Variants in PARD3B observed in about 807,000 individuals in gnomAD.
The protein encoded by PARD3B is par-3 family cell polarity regulator beta, also known as partitioning defective 3 homolog B.
PARD3B carries 103 observed loss-of-function variants against 130.2 expected under a neutral mutation model. The ratio of observed to expected loss-of-function variants is 0.79; its 90% confidence interval spans 0.67 to 0.93. PARD3B has a LOEUF of 0.93. Ranked by LOEUF, PARD3B falls within the 40% of genes least tolerant of loss-of-function variation. The probability of loss-of-function intolerance (pLI) is 0.00; values close to 1 mark genes in which losing one functional copy is unlikely to be tolerated. For missense variants in PARD3B, 1,609 were observed against 1,499.2 expected (o/e 1.07, Z -1.21); for synonymous variants, 583 against 553.2 (o/e 1.05, Z -0.76).
In PARD3B at chr2:205,248,625, T is replaced by TTG. The variant is rs1553648379; in HGVS notation, c.2185+2804_2185+2805dup. Among the ~76,000 whole-genome samples, 157 of 139,332 alleles carry TTG rather than the reference T, an allele frequency of 1.1e-3. 2 individuals carry two copies. The highest frequency in any genetic ancestry group is 1.3e-3 in the Non-Finnish European group (83 of 65,100). 91.4% of individuals were successfully genotyped at this position (139,332 alleles called of 152,430 possible). A position where few individuals can be genotyped will look rare whatever the true frequency, so the allele number is the denominator to read the frequency against. On this transcript the variant is annotated intron_variant, in intron 16 of 22. Transcript: ENST00000406610. ...TCTTTTTTTTTTTTTTTTTTTTTTTTTGAGACGGAGTGGCTCTGTCCGCCA... is the reference window on the plus strand; with the variant it reads ...TCTTTTTTTTTTTTTTTTTTTTTTTTTGTGAGACGGAGTGGCTCTGTCCGCCA...
intron 2 of PARD3B, among the ~76,000 whole-genome samples, chr2:204,795,275 A>AT (rs2042330749): frequency 6.6e-6 from 1 of 152,134 alleles, no homozygotes; most frequent in Non-Finnish European, 1.5e-5. Flanking sequence ...ATTGATAGTG[A>AT]TTGAGTCATT....
intron 2 of PARD3B, among the ~76,000 whole-genome samples, chr2:204,904,914 A>C (rs2046993471): frequency 6.6e-6 from 1 of 152,190 alleles, no homozygotes; most frequent in Admixed American, 6.5e-5. Flanking sequence ...CAATATGTAG[A>C]ATGTAGGTGT....
chr2:204,882,920 A>G (rs1024815116), intron 2 of PARD3B, among the ~76,000 whole-genome samples: 6 of 152,152 alleles, frequency 3.9e-5, no homozygotes, highest in African/African-American at 9.7e-5. Context: ...GGATTATTCT[A>G]TTCCTACTCT....
Position 205,238,857 on chromosome 2 carries a change from T to A in PARD3B, c.2141-6921T>A, listed in dbSNP as rs868770879. The stretch of plus-strand genomic sequence containing the variant: ...TTTCAAAAAAAAAAAAAAATATATA[T>A]ATATATATATATATATATATGTATG... On this transcript the variant is annotated intron_variant, in intron 15 of 22. Transcript: ENST00000406610. 9.0e-3 allele frequency among the ~76,000 whole-genome samples: 746 copies of A among 83,150 alleles called. 42 individuals are homozygous for A. The highest frequency in any genetic ancestry group is 0.028 in the African/African-American group (576 of 20,234). The allele number at this position is 83,150 out of a possible 152,430, so 54.5% of individuals were successfully genotyped here. A position where few individuals can be genotyped will look rare whatever the true frequency, so the allele number is the denominator to read the frequency against.
intron 2 of PARD3B, among the ~76,000 whole-genome samples, chr2:204,944,211 A>T (rs1689134986): frequency 6.6e-6 from 1 of 152,250 alleles, no homozygotes; most frequent in Admixed American, 6.5e-5. Context: ...AAAAGGAGAA[A>T]GCAGGACACA....
At chr2:205,282,237 G>T (rs539388508) in intron 16 of PARD3B, among the ~76,000 whole-genome samples, 310 of 152,092 alleles carry the variant, frequency 2.0e-3, no homozygotes, top group African/African-American at 7.2e-3. Flanking sequence ...TCTTTGCAAA[G>T]AAATTTAATC....
chr2:204,874,441 C>G (rs1278751338), intron 2 of PARD3B, among the ~76,000 whole-genome samples: 1 of 152,102 alleles, frequency 6.6e-6, no homozygotes, highest in Non-Finnish European at 1.5e-5. Context: ...AAAACATTCA[C>G]CTCAAAAGAC....
At chr2:204,939,670 T>C (rs1487455403) in intron 2 of PARD3B, among the ~76,000 whole-genome samples, 1 of 152,214 alleles carries the variant, frequency 6.6e-6, no homozygotes, top group African/African-American at 2.4e-5. Flanking sequence ...TGAGGCAAAG[T>C]ATATCAAATT....
chr2:205,389,591 G>T (rs373493440), intron 18 of PARD3B, among the ~76,000 whole-genome samples: 1 of 152,106 alleles, frequency 6.6e-6, no homozygotes, highest in Non-Finnish European at 1.5e-5. Flanking sequence ...TTGAACTCCC[G>T]CCTCGGCCTC....
rs374306711 is a variant in PARD3B at position 204,945,652 on chromosome 2, T to G, written c.223-19500T>G. Among the ~76,000 whole-genome samples, 9 of 152,264 alleles carry G rather than the reference T, an allele frequency of 5.9e-5. No individual in the cohort carries two copies. The South Asian group carries it at 8.3e-4, about 14-fold the overall frequency. On this transcript the variant is annotated intron_variant, in intron 2 of 22. Coordinates refer to ENST00000406610, the MANE Select transcript of PARD3B (RefSeq NM_001302769.2). ...TTCCCTTAACTGATTTTATAAAATT[T>G]TATTGGGGATGGCTTCAGTGGCCTT...
At chr2:204,789,888 TA>T (rs1329320617) in intron 2 of PARD3B, among the ~76,000 whole-genome samples, 1 of 151,292 alleles carries the variant, frequency 6.6e-6, no homozygotes, top group Non-Finnish European at 1.5e-5. Context: ...TTTTTTTTTT[TA>T]AGACAGAGTC....
At chr2:204,598,976 A>G (rs1048997640) in intron 1 of PARD3B, among the ~76,000 whole-genome samples, 3 of 151,962 alleles carry the variant, frequency 2.0e-5, no homozygotes, top group African/African-American at 7.2e-5. Context: ...TTTAAAAGAC[A>G]TTACTAATGA....
Position 204,606,024 on chromosome 2 carries a change from T to G in PARD3B, c.120+59905T>G, listed in dbSNP as rs1216076717. Reference sequence around the variant, plus strand: ...AGTGAAAAGGGATCTTCTCTCCCTCTCTCCATTGGGACATGATATTACCAA... The same window carrying G: ...AGTGAAAAGGGATCTTCTCTCCCTCGCTCCATTGGGACATGATATTACCAA... On this transcript the variant is annotated intron_variant, in intron 1 of 22. Coordinates refer to ENST00000406610, the MANE Select transcript of PARD3B (RefSeq NM_001302769.2). The surrounding 1 kb of genome is among the most constrained non-coding windows in gnomAD (Gnocchi z 4.0). Among the ~76,000 whole-genome samples the G allele has an allele frequency of 1.3e-5, 2 of 152,166 alleles. No homozygotes were observed. The highest frequency in any genetic ancestry group is 4.8e-5 in the African/African-American group (2 of 41,442).
intron 19 of PARD3B, among the ~76,000 whole-genome samples, chr2:205,409,757 A>T (rs2046531919): frequency 6.6e-6 from 1 of 152,170 alleles, no homozygotes; most frequent in Non-Finnish European, 1.5e-5. Context: ...ATTTTTAAAG[A>T]ATTCATGTAC....
intron 1 of PARD3B, among the ~76,000 whole-genome samples, chr2:204,659,411 A>G (rs1474191727): frequency 6.6e-6 from 1 of 152,130 alleles, no homozygotes; most frequent in East Asian, 1.9e-4. Flanking sequence ...TCAACCATCA[A>G]TGGAGCTGGA....
chr2:205,452,695 T>G (rs577186149), intron 20 of PARD3B, among the ~76,000 whole-genome samples: 2 of 152,306 alleles, frequency 1.3e-5, no homozygotes, highest in East Asian at 3.9e-4. Flanking sequence ...ATTAATTTTT[T>G]TCCCGTCGTC....
At chr2:205,413,764 G>A (rs1390828951) in intron 19 of PARD3B, among the ~76,000 whole-genome samples, 1 of 152,110 alleles carries the variant, frequency 6.6e-6, no homozygotes, top group Non-Finnish European at 1.5e-5. Flanking sequence ...TAAAGTGAAT[G>A]AAATTTCATC....
chr2:205,035,812 TA>T (rs1697792210), intron 3 of PARD3B, among the ~76,000 whole-genome samples: 5 of 11,140 alleles, frequency 4.5e-4, no homozygotes, highest in Admixed American at 1.1e-3. Context: ...TATATATATA[TA>T]TATATATCTA....
chr2:204,760,637 A>C (rs933527364), intron 2 of PARD3B, among the ~76,000 whole-genome samples: 2 of 152,096 alleles, frequency 1.3e-5, no homozygotes, highest in African/African-American at 4.8e-5. Flanking sequence ...TATTAAACTT[A>C]TCTCTCTTTT....
Sources: gnomAD v4.1 joint callset for allele counts (sites outside exome capture counted in the v4.1 genomes callset) on GRCh38, gnomAD v4.1.1 for gene constraint, Gnocchi (gnomAD v3.1) non-coding constraint, MANE v1.5 for transcripts, NCBI Gene and HGNC (gene_info 2026-07-23, HGNC 2026-07-21) for gene names.